The following STK32A variants were observed in gnomAD, a reference collection of about 807,000 sequenced individuals.
STK32A encodes the protein serine/threonine-protein kinase 32A.
STK32A carries 41 observed loss-of-function variants against 53.2 expected under a neutral mutation model. That is an observed-to-expected ratio of 0.77 (90% confidence interval 0.60 to 1.00). The LOEUF is 1.00. STK32A is among the 50% of genes least tolerant of loss of function. STK32A has a pLI of 0.00. For synonymous variants in STK32A, 166 were observed against 162.8 expected (o/e 1.02, Z -0.15); for missense variants, 458 against 485.8 (o/e 0.94, Z 0.54).
chr5:147,237,566 T>C (rs1480486777), intron 1 of STK32A, among the ~76,000 whole-genome samples: 3 of 152,192 alleles, frequency 2.0e-5, no homozygotes. Context: ...TTGAGTTCTA[T>C]CTTCCTGGGT....
chr5:147,370,534 C>T (rs1042168893), intron 8 of STK32A, 120 bp from the exon 9 acceptor site: 4 of 564,194 alleles, frequency 7.1e-6, no homozygotes, highest in Non-Finnish European at 1.2e-5. Flanking sequence ...GTCAGCTGGA[C>T]AGGGTTAGAA....
intron 2 of STK32A, among the ~76,000 whole-genome samples, chr5:147,273,359 T>C (rs777800570): frequency 2.2e-4 from 33 of 152,174 alleles, no homozygotes; most frequent in Admixed American, 3.9e-4. Context: ...GGTAGGTATG[T>C]TATACAATAA....
At chr5:147,323,088 C>G (rs1359116160) in intron 4 of STK32A, among the ~76,000 whole-genome samples, 4 of 152,110 alleles carry the variant, frequency 2.6e-5, no homozygotes, top group African/African-American at 9.7e-5. Context: ...ACTTTGGCAC[C>G]TGGAGAACGT....
chr5:147,241,716 T>A (rs1333379322), intron 2 of STK32A, among the ~76,000 whole-genome samples: 1 of 152,178 alleles, frequency 6.6e-6, no homozygotes, highest in African/African-American at 2.4e-5. Context: ...ATCTAGAGAC[T>A]AGTGATATTA....
intron 6 of STK32A, among the ~76,000 whole-genome samples, chr5:147,350,042 C>T (rs924999170): frequency 2.0e-5 from 3 of 151,180 alleles, no homozygotes; most frequent in African/African-American, 4.9e-5. Context: ...ACCCGGGAGG[C>T]GGAGATTGCA....
chr5:147,302,460 C>A (rs1581062598), intron 4 of STK32A, among the ~76,000 whole-genome samples: 1 of 152,274 alleles, frequency 6.6e-6, no homozygotes, highest in East Asian at 1.9e-4. Context: ...ATTTCACCAT[C>A]TTTCTATGTA....
rs139138034 is a variant in STK32A, at chr5:147,351,858, C to A, written c.562+704C>A. Among the ~76,000 whole-genome samples the A allele has an allele frequency of 1.2e-3, 186 of 152,064 alleles. 1 individual carries two copies. The highest frequency in any genetic ancestry group is 4.3e-3 in the African/African-American group (178 of 41,486). On this transcript the variant is annotated intron_variant, in intron 7 of 12. Transcript: ENST00000397936. Reference sequence around the variant, plus strand: ...GAGATTTCGTCTCAAAACAAACAAACAAACAAACAAACAAAGAAGTAGGAA... The same window carrying A: ...GAGATTTCGTCTCAAAACAAACAAAAAAACAAACAAACAAAGAAGTAGGAA...
Position 147,375,075 on chromosome 5 carries a change from C to G in STK32A, c.904-15C>G. 6.3e-7 allele frequency: 1 copy of G among 1,592,470 alleles called. No homozygotes were observed. The highest frequency in any genetic ancestry group is 1.4e-5 in the African/African-American group (1 of 73,712). On this transcript the variant is annotated splice_polypyrimidine_tract_variant and intron_variant, in intron 10 of 12. Transcript: ENST00000397936. ...TACAGTAATCTGAGGATTGAGCCAACTGTCTTCCTTGCAGAAAGGCAGGCT... is the reference window on the plus strand; with the variant it reads ...TACAGTAATCTGAGGATTGAGCCAAGTGTCTTCCTTGCAGAAAGGCAGGCT...
At chr5:147,260,891 G>GCA (rs983124934) in intron 2 of STK32A, among the ~76,000 whole-genome samples, 1 of 152,178 alleles carries the variant, frequency 6.6e-6, no homozygotes, top group African/African-American at 2.4e-5. Context: ...GATCATTCAT[G>GCA]CACACACACA....
chr5:147,314,514 AAAC>A lies in STK32A; in HGVS notation c.261-9381_261-9379del, dbSNP rs200152336. ...ACTCCATATCAAAAAAAACAAAAAA[AAAC>A]AAAAAAAAACAAAAAAAAAAAAAGA... On this transcript the variant is annotated intron_variant, in intron 4 of 12. Coordinates refer to ENST00000397936, the MANE Select transcript of STK32A (RefSeq NM_001112724.2). Among the ~76,000 whole-genome samples the A allele has an allele frequency of 2.9e-4, 3 of 10,516 alleles. 1 individual carries two copies. Among genetic ancestry groups the A allele is most frequent in the African/African-American group, 7.8e-4 (3 of 3,850 alleles). The allele number at this position is 10,516 out of a possible 152,430, so 6.9% of individuals were successfully genotyped here.
intron 4 of STK32A, among the ~76,000 whole-genome samples, chr5:147,287,849 G>C (rs13165184): frequency 6.6e-6 from 1 of 151,768 alleles, no homozygotes. Flanking sequence ...AAGTTTAACC[G>C]ACTAATTTTT....
chr5:147,288,745 C>T (rs533340541), intron 4 of STK32A, among the ~76,000 whole-genome samples: 17 of 152,118 alleles, frequency 1.1e-4, no homozygotes, highest in Non-Finnish European at 2.5e-4. Flanking sequence ...CCCCCATGAT[C>T]CAATCACCTC....
intron 4 of STK32A, among the ~76,000 whole-genome samples, chr5:147,289,369 A>G (rs915100796): frequency 6.6e-5 from 10 of 152,154 alleles, no homozygotes; most frequent in Non-Finnish European, 1.2e-4. Flanking sequence ...TGTGTACTCT[A>G]TTTTATGGAT....
At chr5:147,260,313 CT>C (rs1754495770) in intron 2 of STK32A, among the ~76,000 whole-genome samples, 1 of 134,992 alleles carries the variant, frequency 7.4e-6, no homozygotes, top group East Asian at 2.3e-4. Flanking sequence ...CTCTCTCTCT[CT>C]CTCTTCTCCG....
chr5:147,315,065 G>A (rs920322156), intron 4 of STK32A, among the ~76,000 whole-genome samples: 12 of 152,108 alleles, frequency 7.9e-5, no homozygotes, highest in African/African-American at 2.9e-4. Context: ...TTTAAAAAAT[G>A]GGAAATAACA....
chr5:147,270,978 G>A (rs552302866), intron 2 of STK32A, among the ~76,000 whole-genome samples: 8 of 145,950 alleles, frequency 5.5e-5, no homozygotes, highest in Admixed American at 4.3e-4. Context: ...AATGCTCAAA[G>A]TAGTTTTGGT....
chr5:147,278,215 G>A, intron 3 of STK32A, 36 bp downstream of exon 3: 1 of 1,553,740 alleles, frequency 6.4e-7, no homozygotes. Flanking sequence ...CACCAGCAGG[G>A]TTATGTAGCC....
the STK32A span, chr5:147,399,070 A>T: frequency 3.1e-6 from 5 of 1,613,594 alleles, no homozygotes; most frequent in Non-Finnish European, 4.2e-6. Context: ...CTCCCACCAG[A>T]GCGGGCCTTA....
intron 2 of STK32A, among the ~76,000 whole-genome samples, chr5:147,259,023 T>G (rs1375660382): frequency 6.6e-6 from 1 of 152,184 alleles, no homozygotes; most frequent in Non-Finnish European, 1.5e-5. Flanking sequence ...CTAACTCTGC[T>G]TCTACAAGTG....
Sources: allele counts gnomAD v4.1 joint callset (sites outside exome capture counted in the v4.1 genomes callset), GRCh38; gene constraint gnomAD v4.1.1; transcripts MANE v1.5; gene names NCBI Gene and HGNC (gene_info 2026-07-23, HGNC 2026-07-21).